The following LRRC7 variants were observed in gnomAD, a reference collection of about 807,000 sequenced individuals.
LRRC7 encodes leucine-rich repeat-containing protein 7.
Under a neutral mutation model 175.7 loss-of-function variants are expected in LRRC7, and 23 were observed. That is an observed-to-expected ratio of 0.13 (90% CI 0.09 to 0.19). The LOEUF (loss-of-function observed/expected upper bound fraction) is 0.19, where lower values mean the gene tolerates loss of function less well. LRRC7 is among the 10% of genes least tolerant of loss of function. The pLI is 1.00. For synonymous variants in LRRC7, 685 were observed against 680.9 expected, an observed-to-expected ratio of 1.01 and a Z score of -0.09; for missense variants, 1,354 against 1,904.7, an observed-to-expected ratio of 0.71 and a Z score of 5.38.
At chr1:69,827,626 G>A (rs894411791) in intron 5 of LRRC7, among the ~76,000 whole-genome samples, 9 of 151,990 alleles carry the variant, frequency 5.9e-5, no homozygotes, top group Non-Finnish European at 1.2e-4. Flanking sequence ...CAGGAGGATC[G>A]CATGAGTTTA....
At chr1:69,711,818 G>A (rs77422976) in intron 2 of LRRC7, among the ~76,000 whole-genome samples, 85 of 152,242 alleles carry the variant, frequency 5.6e-4, no homozygotes, top group African/African-American at 2.0e-3. Context: ...TATACCCTAA[G>A]GACTTTTAAC....
intron 5 of LRRC7, among the ~76,000 whole-genome samples, chr1:69,829,115 T>A (rs751447569): frequency 2.2e-4 from 33 of 152,024 alleles, no homozygotes; most frequent in Middle Eastern, 6.8e-3. Context: ...TACTATGGGA[T>A]AGGTAGTCAT....
At chr1:69,796,081 A>G (rs556248997) in intron 4 of LRRC7, among the ~76,000 whole-genome samples, 1 of 150,022 alleles carries the variant, frequency 6.7e-6, no homozygotes, top group African/African-American at 2.4e-5. Flanking sequence ...ATTTAGCATT[A>G]GGTATATTTC....
intron 8 of LRRC7, among the ~76,000 whole-genome samples, chr1:69,955,578 G>A (rs1483969356): frequency 6.6e-6 from 1 of 151,688 alleles, no homozygotes; most frequent in Admixed American, 6.6e-5. Context: ...ATAAATATTG[G>A]GCAAGATTAT....
rs180957866 is a variant in LRRC7, at chr1:69,813,867, C to T, written c.422-11881C>T. On this transcript the variant is annotated intron_variant, in intron 4 of 26. Coordinates refer to ENST00000651989, the MANE Select transcript of LRRC7 (RefSeq NM_001370785.2). Reference sequence around the variant, plus strand: ...GATTACGTGGTCTACAAATTATTGACCCTGTTTAATCACAAGTCAGAATGT... The same window carrying T: ...GATTACGTGGTCTACAAATTATTGATCCTGTTTAATCACAAGTCAGAATGT... Among the ~76,000 whole-genome samples the T allele has an allele frequency of 3.3e-3, 505 of 152,132 alleles. 1 individual carries two copies. Among genetic ancestry groups the T allele is most frequent in the African/African-American group, 0.011 (456 of 41,520 alleles).
chr1:69,825,998 C>T (rs1679866978), intron 5 of LRRC7, among the ~76,000 whole-genome samples, 172 bp downstream of exon 5: 1 of 152,058 alleles, frequency 6.6e-6, no homozygotes, highest in Non-Finnish European at 1.5e-5. Flanking sequence ...TGATTAAAAA[C>T]ATTGCTGAGT....
At chr1:69,906,088 C>A (rs12048733) in intron 7 of LRRC7, among the ~76,000 whole-genome samples, 7,373 of 152,266 alleles carry the variant, frequency 0.048, 221 homozygotes, top group East Asian at 0.15. Flanking sequence ...ATCATTCACC[C>A]ACTTTTTGAT....
Position 70,038,986 on chromosome 1 carries a change from A to C in LRRC7, c.3162A>C (p.Pro1054=). ...EMLTYGSSKG[P]QQQKASMTKK... ...TCACCTACGGAAGTAGTAAGGGGCCACAACAACAAAAAGCTTCTATGACAA... is the reference window on the plus strand; with the variant it reads ...TCACCTACGGAAGTAGTAAGGGGCCCCAACAACAAAAAGCTTCTATGACAA... The change falls in exon 21 of 27, where the codon CCA becomes CCC. Residue 1054 remains proline (P), a synonymous_variant. Transcript: ENST00000651989. 6.2e-7 allele frequency: 1 copy of C among 1,614,046 alleles called. No individual in the cohort carries two copies. Among genetic ancestry groups the C allele is most frequent in the Non-Finnish European group, 8.5e-7 (1 of 1,179,988 alleles).
chr1:69,864,173 A>T (rs1034028975), intron 7 of LRRC7, among the ~76,000 whole-genome samples: 4 of 152,208 alleles, frequency 2.6e-5, no homozygotes, highest in South Asian at 2.1e-4. Flanking sequence ...AAAGAAGAAA[A>T]TAATAATAAT....
At chr1:70,088,470 G>C (rs1663775746) in intron 24 of LRRC7, among the ~76,000 whole-genome samples, 1 of 152,128 alleles carries the variant, frequency 6.6e-6, no homozygotes, top group Non-Finnish European at 1.5e-5. Context: ...GGCTGAGGCA[G>C]GAGGATACTT....
intron 23 of LRRC7, among the ~76,000 whole-genome samples, chr1:70,071,939 A>G (rs888119023): frequency 1.3e-5 from 2 of 152,220 alleles, no homozygotes; most frequent in Admixed American, 6.5e-5. Context: ...AAATACTTCC[A>G]ACTGTCACAT....
intron 7 of LRRC7, among the ~76,000 whole-genome samples, chr1:69,844,840 A>C (rs1266995298): frequency 2.0e-4 from 30 of 152,208 alleles, no homozygotes; most frequent in Admixed American, 2.0e-3. Flanking sequence ...CATGTGTTTT[A>C]GAAATATATT....
At chr1:69,795,014 A>G (rs1675557080) in intron 4 of LRRC7, among the ~76,000 whole-genome samples, 1 of 152,200 alleles carries the variant, frequency 6.6e-6, no homozygotes, top group South Asian at 2.1e-4. Context: ...GAGTATAATG[A>G]TAGCAGCCAT....
chr1:69,869,036 T>C (rs567118412), intron 7 of LRRC7, among the ~76,000 whole-genome samples: 103 of 152,112 alleles, frequency 6.8e-4, no homozygotes, highest in African/African-American at 2.4e-3. Context: ...ATACCTTATC[T>C]TCAATATAGT....
chr1:69,701,968 A>G (rs1304647014), intron 2 of LRRC7, among the ~76,000 whole-genome samples: 1 of 152,256 alleles, frequency 6.6e-6, no homozygotes, highest in Non-Finnish European at 1.5e-5. Context: ...TAAAGTTCAG[A>G]AAGTCTTTGC....
rs116456397 is a variant in LRRC7, at chr1:70,034,479, C to G, written c.1996-1642C>G. 3.0e-3 allele frequency among the ~76,000 whole-genome samples: 453 copies of G among 152,306 alleles called. 1 individual carries two copies. Among genetic ancestry groups the G allele is most frequent in the African/African-American group, 9.8e-3 (407 of 41,556 alleles). Reference sequence around the variant, plus strand: ...CTTAGGATAGGCAATATGGCATACACAGTATCACATAGAACACCTTTGAGT... The same window carrying G: ...CTTAGGATAGGCAATATGGCATACAGAGTATCACATAGAACACCTTTGAGT... On this transcript the variant is annotated intron_variant, in intron 18 of 26. Coordinates refer to ENST00000651989, the MANE Select transcript of LRRC7 (RefSeq NM_001370785.2).
At chr1:69,781,857 A>G (rs1416261235) in intron 3 of LRRC7, among the ~76,000 whole-genome samples, 1 of 97,340 alleles carries the variant, frequency 1.0e-5, no homozygotes, top group African/African-American at 4.7e-5. Context: ...GAGAGAAAGA[A>G]AGAGAAGGAA....
intron 10 of LRRC7, among the ~76,000 whole-genome samples, chr1:69,990,852 C>A (rs1037015239): frequency 3.3e-5 from 5 of 152,028 alleles, no homozygotes; most frequent in Non-Finnish European, 7.4e-5. Context: ...TACACTTATT[C>A]TATTAAAAGA....
intron 7 of LRRC7, among the ~76,000 whole-genome samples, chr1:69,912,969 G>A (rs1418483829): frequency 4.6e-5 from 7 of 151,478 alleles, no homozygotes; most frequent in East Asian, 1.9e-4. Flanking sequence ...TCTTTTTTTC[G>A]TATTGTGCAT....
Sources: allele counts gnomAD v4.1 joint callset (sites outside exome capture counted in the v4.1 genomes callset), GRCh38; gene constraint gnomAD v4.1.1; transcripts MANE v1.5; gene names NCBI Gene and HGNC (gene_info 2026-07-23, HGNC 2026-07-21).